Variants in TMEM120B observed in about 807,000 individuals in gnomAD.
The protein encoded by TMEM120B is transmembrane protein 120B.
Under a neutral mutation model 55.5 loss-of-function variants are expected in TMEM120B, and 31 were observed. The observed-to-expected ratio is 0.56, with a 90% CI of 0.42 to 0.75. TMEM120B has a LOEUF of 0.75. TMEM120B is among the 30% of genes least tolerant of loss of function. TMEM120B has a pLI of 0.00. For synonymous variants in TMEM120B, 203 were observed against 176.3 expected (o/e 1.15, Z -1.20); for missense variants, 399 against 425.5 (o/e 0.94, Z 0.55).
chr12:121,774,799 T>C, intron 10 of TMEM120B, 77 bp downstream of exon 10: 1 of 1,499,434 alleles, frequency 6.7e-7, no homozygotes, highest in South Asian at 1.2e-5. Context: ...GGCCTTGCCC[T>C]CCTTCTCCAT....
At position 121,781,153 on chromosome 12, in the gene TMEM120B, T is replaced by C; in HGVS notation, c.*5431T>C. ...GCAGATGAGCACGAGGTGGGTGTTCTGGTAGGACAGGGGCCGCAGCCGGTC... is the reference window on the plus strand; with the variant it reads ...GCAGATGAGCACGAGGTGGGTGTTCCGGTAGGACAGGGGCCGCAGCCGGTC... On this transcript the variant is annotated 3_prime_UTR_variant, in exon 12 of 12. Coordinates refer to ENST00000449592, the MANE Select transcript of TMEM120B (RefSeq NM_001080825.2). 6.2e-7 allele frequency: 1 copy of C among 1,614,208 alleles called. No homozygotes were observed. Among genetic ancestry groups the C allele is most frequent in the Non-Finnish European group, 8.5e-7 (1 of 1,180,036 alleles).
chr12:121,715,138 C>A (rs1448151730), intron 1 of TMEM120B, among the ~76,000 whole-genome samples: 1 of 151,962 alleles, frequency 6.6e-6, no homozygotes, highest in South Asian at 2.1e-4. Flanking sequence ...GAGTTTGAGA[C>A]CAGCCTGGCC....
At chr12:121,715,400 A>G (rs1279128265) in intron 1 of TMEM120B, among the ~76,000 whole-genome samples, 2 of 152,206 alleles carry the variant, frequency 1.3e-5, no homozygotes, top group East Asian at 3.8e-4. Context: ...ATTAACAGCA[A>G]TTAGATAGCA....
At chr12:121,759,161 C>T (rs1380582858) in intron 5 of TMEM120B, among the ~76,000 whole-genome samples, 1 of 150,624 alleles carries the variant, frequency 6.6e-6, no homozygotes, top group African/African-American at 2.4e-5. Context: ...CGCTCACTCC[C>T]CTCGGCCTCC....
chr12:121,728,101 G>A (rs1051590265), intron 1 of TMEM120B, among the ~76,000 whole-genome samples: 2 of 151,136 alleles, frequency 1.3e-5, no homozygotes, highest in Admixed American at 6.6e-5. Flanking sequence ...TCTGCCTTCC[G>A]GGTTCAAGTG....
Position 121,743,737 on chromosome 12 carries a change from A to T in TMEM120B, c.178A>T (p.Thr60Ser), listed in dbSNP as rs376756076. The T allele has an allele frequency of 1.5e-5, 24 of 1,612,584 alleles. No homozygotes were observed. The African/African-American group carries it at 3.1e-4, about 21-fold the overall frequency. ...GAAGCACCTCAAGGACTTGAAGCTTACACTCCAGAGGTAGGTGCAGCTGTA... is the reference window on the plus strand; with the variant it reads ...GAAGCACCTCAAGGACTTGAAGCTTTCACTCCAGAGGTAGGTGCAGCTGTA... Reference protein sequence around the residue: ...QKKHLKDLKLTLQRCKRHASR... With the variant: ...QKKHLKDLKLSLQRCKRHASR... Residue 60 changes from threonine (T) to serine (S), a missense_variant, in exon 2 of 12, where the codon ACA becomes TCA. This residue lies in a region of TMEM120B where 133 missense variants were observed against 104.1 expected (regional missense o/e 1.28). Transcript: ENST00000449592.
chr12:121,754,216 G>C (rs1420686123), intron 5 of TMEM120B, among the ~76,000 whole-genome samples: 1 of 152,190 alleles, frequency 6.6e-6, no homozygotes, highest in Non-Finnish European at 1.5e-5. Flanking sequence ...CGAGGGCAAA[G>C]GCTGCACACA....
chr12:121,755,960 C>T (rs1478499642), intron 5 of TMEM120B, among the ~76,000 whole-genome samples: 3 of 152,090 alleles, frequency 2.0e-5, no homozygotes, highest in Admixed American at 6.6e-5. Context: ...CCCAGAGTGG[C>T]GGGTTCTGGT....
chr12:121,722,201 C>T lies in TMEM120B; in HGVS notation c.69+9237C>T, dbSNP rs370391638. Among the ~76,000 whole-genome samples, 4 of 151,516 alleles carry T rather than the reference C, an allele frequency of 2.6e-5. No homozygotes were observed. The Admixed American group carries it at 2.6e-4, about 10-fold the overall frequency. The stretch of plus-strand genomic sequence containing the variant: ...GCAACCTCTGCCTCCCGGGTTCAAG[C>T]GATTCTTCTGCCTCAGCCCCCTGAG... On this transcript the variant is annotated intron_variant, in intron 1 of 11. Transcript: ENST00000449592.
chr12:121,780,297 A>G lies in TMEM120B; in HGVS notation c.*4575A>G, dbSNP rs1874402375. 1 of 158,390 alleles carries G rather than the reference A, an allele frequency of 6.3e-6. No homozygotes were observed. Among genetic ancestry groups the G allele is most frequent in the South Asian group, 1.9e-4 (1 of 5,262 alleles). The allele number at this position is 158,390 out of a possible 1,614,324, so 9.8% of individuals were successfully genotyped here. On this transcript the variant is annotated 3_prime_UTR_variant, in exon 12 of 12. Coordinates refer to ENST00000449592, the MANE Select transcript of TMEM120B (RefSeq NM_001080825.2). ...GGTCTCAAACTCCCAACCTCAGGTG[A>G]TTCGCCCGCCTCGGCCTCCCAAAGT...
chr12:121,779,824 GGAAT>G lies in TMEM120B; in HGVS notation c.*4104_*4107del. On this transcript the variant is annotated 3_prime_UTR_variant, in exon 12 of 12. Transcript: ENST00000449592. The stretch of plus-strand genomic sequence containing the variant: ...TGGCTGCCCCTCACAGTGTGTGGGT[GGAAT>G]GGAGGGCCAGGGCAGTGCAGCCCGC... 1 of 722,198 alleles carries G rather than the reference GGAAT, an allele frequency of 1.4e-6. No homozygotes were observed. The highest frequency in any genetic ancestry group is 1.8e-5 in the South Asian group (1 of 55,096). The allele number at this position is 722,198 out of a possible 1,614,324, so 44.7% of individuals were successfully genotyped here.
At chr12:121,765,152 CAG>C (rs1243882644) in intron 6 of TMEM120B, among the ~76,000 whole-genome samples, 17 of 124,570 alleles carry the variant, frequency 1.4e-4, no homozygotes, top group African/African-American at 5.8e-4. Flanking sequence ...TTTTTTGAGA[CAG>C]AGTCGTGCTC....
intron 10 of TMEM120B, 30 bp downstream of exon 10, chr12:121,774,752 C>T: frequency 2.5e-6 from 4 of 1,610,872 alleles, no homozygotes; most frequent in South Asian, 2.2e-5. Context: ...GTGGGTATCT[C>T]CTGTCTGGGC....
At chr12:121,771,456 C>T (rs1592949598) in intron 7 of TMEM120B, 32 bp from the exon 8 acceptor site, 1 of 1,593,466 alleles carries the variant, frequency 6.3e-7, no homozygotes, top group East Asian at 2.2e-5. Flanking sequence ...CATAGTGGGC[C>T]CCACCTTTGT....
intron 5 of TMEM120B, among the ~76,000 whole-genome samples, chr12:121,760,625 T>C (rs1873646703): frequency 1.3e-5 from 2 of 152,348 alleles, no homozygotes; most frequent in South Asian, 2.1e-4. Flanking sequence ...TTGAGCCCAC[T>C]TGCTCAGCTC....
chr12:121,774,296 C>G (rs1029232437), intron 9 of TMEM120B, among the ~76,000 whole-genome samples: 1 of 152,210 alleles, frequency 6.6e-6, no homozygotes, highest in African/African-American at 2.4e-5. Context: ...CATCAAATTA[C>G]TCTCCTAAGT....
rs746636849 is a variant in TMEM120B at position 121,780,865 on chromosome 12, G to C, written c.*5143G>C. 7.0e-5 allele frequency: 112 copies of C among 1,611,456 alleles called. No homozygotes were observed. The highest frequency in any genetic ancestry group is 9.1e-5 in the Non-Finnish European group (107 of 1,179,052). ...GGCTGTGCCCCAGGGTCTTGGCCCC[G>C]GCCCACCTGCATGTAGGTGATGGGC... On this transcript the variant is annotated 3_prime_UTR_variant, in exon 12 of 12. Transcript: ENST00000449592.
chr12:121,713,013 G>A, intron 1 of TMEM120B, 49 bp downstream of exon 1: 1 of 1,442,980 alleles, frequency 6.9e-7, no homozygotes, highest in Non-Finnish European at 9.3e-7. Context: ...GCGGTGCAGC[G>A]CCTTGCCCTT....
Position 121,752,206 on chromosome 12 carries a change from A to C in TMEM120B, c.444A>C (p.Arg148=). The C allele has an allele frequency of 6.2e-7, 1 of 1,613,488 alleles. No individual in the cohort carries two copies. The highest frequency in any genetic ancestry group is 8.5e-7 in the Non-Finnish European group (1 of 1,179,828). The change falls in exon 5 of 12, where the codon CGA becomes CGC. Residue 148 remains arginine, a synonymous_variant. Coordinates refer to ENST00000449592, the MANE Select transcript of TMEM120B (RefSeq NM_001080825.2). ...IILLLGAVAC[R]FVLHYRVTDE... ...TGCTCCTGGGTGCCGTGGCATGTCGATTTGTCCTTCACTACAGGTAGTGGG... is the reference window on the plus strand; with the variant it reads ...TGCTCCTGGGTGCCGTGGCATGTCGCTTTGTCCTTCACTACAGGTAGTGGG...
Sources: allele counts gnomAD v4.1 joint callset (sites outside exome capture counted in the v4.1 genomes callset), GRCh38; gene constraint gnomAD v4.1.1; regional missense constraint gnomAD v4.1.1; transcripts MANE v1.5; gene names NCBI Gene and HGNC (gene_info 2026-07-23, HGNC 2026-07-21).